Variants in LNX1 observed in about 807,000 individuals in gnomAD.
LNX1 encodes the protein E3 ubiquitin-protein ligase LNX.
A neutral mutation model predicts 68.4 loss-of-function variants in LNX1; 54 were observed. The observed-to-expected ratio is 0.79, with a 90% CI of 0.63 to 0.99. The LOEUF is 0.99. Among genes scored for constraint, LNX1 ranks in the 50% least tolerant of loss-of-function variants. LNX1 has a pLI of 0.00. For synonymous variants in LNX1, 336 were observed against 350.0 expected (o/e 0.96, Z 0.45); for missense variants, 906 against 926.4 (o/e 0.98, Z 0.29).
chr4:53,467,599 A>T (rs1722783809), intron 9 of LNX1, among the ~76,000 whole-genome samples: 1 of 152,170 alleles, frequency 6.6e-6, no homozygotes, highest in Admixed American at 6.5e-5. Flanking sequence ...TTGAAAAAAA[A>T]TTAGACAAAT....
intron 2 of LNX1, among the ~76,000 whole-genome samples, chr4:53,548,242 A>G (rs1206711510): frequency 1.3e-5 from 2 of 152,186 alleles, no homozygotes; most frequent in Non-Finnish European, 2.9e-5. Context: ...TTCCAAGACC[A>G]ACTCCACAGA....
In LNX1 at chr4:53,460,357, CAAAT is replaced by C. The variant is rs141678192; in HGVS notation, c.*546_*549del. 7,320 of 189,916 alleles carry C rather than the reference CAAAT, an allele frequency of 0.039. 358 individuals carry two copies. Among genetic ancestry groups the C allele is most frequent in the African/African-American group, 0.13 (5,485 of 42,928 alleles). The allele number at this position is 189,916 out of a possible 1,614,324, so 11.8% of individuals were successfully genotyped here. A position where few individuals can be genotyped will look rare whatever the true frequency, so the allele number is the denominator to read the frequency against. On this transcript the variant is annotated 3_prime_UTR_variant, in exon 11 of 11. Transcript: ENST00000263925. ...AGGAGGTATTCATCGGTGATGGTAA[CAAAT>C]AACATGGTATTTGAAAGAATAAATT...
At chr4:53,569,355 G>T (rs1167956596) in intron 2 of LNX1, among the ~76,000 whole-genome samples, 1 of 134,184 alleles carries the variant, frequency 7.5e-6, no homozygotes, top group Admixed American at 7.6e-5. Flanking sequence ...CAGAAATAAC[G>T]CCGCATATCT....
chr4:53,629,028 A>G (rs1305668063), intron 1 of LNX1, among the ~76,000 whole-genome samples: 1 of 152,188 alleles, frequency 6.6e-6, no homozygotes, highest in South Asian at 2.1e-4. Flanking sequence ...TAGGTACAAT[A>G]TACACTACCT....
intron 1 of LNX1, among the ~76,000 whole-genome samples, chr4:53,626,351 A>G (rs1734075065): frequency 6.6e-6 from 1 of 152,234 alleles, no homozygotes; most frequent in Non-Finnish European, 1.5e-5. Flanking sequence ...TAATAAATAT[A>G]CTACAAAACA....
intron 7 of LNX1, 147 bp from the exon 8 acceptor site, chr4:53,478,889 G>A (rs762860950): frequency 1.3e-6 from 1 of 750,476 alleles, no homozygotes; most frequent in Non-Finnish European, 2.1e-6. Flanking sequence ...ATACAATGGT[G>A]GTTCTTGAAA....
intron 1 of LNX1, among the ~76,000 whole-genome samples, chr4:53,576,686 T>C (rs1352914240): frequency 6.6e-6 from 1 of 151,908 alleles, no homozygotes; most frequent in Non-Finnish European, 1.5e-5. Context: ...CCAACTCAAC[T>C]TTCCTCTTTT....
intron 2 of LNX1, among the ~76,000 whole-genome samples, chr4:53,564,292 C>T (rs1730490963): frequency 6.6e-6 from 1 of 152,202 alleles, no homozygotes; most frequent in East Asian, 1.9e-4. Flanking sequence ...TCATCTTTCT[C>T]CTGAAGACCT....
chr4:53,463,701 A>T (rs1320935852), intron 9 of LNX1, among the ~76,000 whole-genome samples: 1 of 152,160 alleles, frequency 6.6e-6, no homozygotes, highest in Non-Finnish European at 1.5e-5. Context: ...TGAGAAAATT[A>T]TGGTTACCTC....
At chr4:53,593,270 A>G (rs1343721817), upstream of LNX1, among the ~76,000 whole-genome samples, 1 of 152,230 alleles carries the variant, frequency 6.6e-6, no homozygotes, top group African/African-American at 2.4e-5. Context: ...CGCCAACCTG[A>G]TGAATCATCT....
intron 2 of LNX1, among the ~76,000 whole-genome samples, chr4:53,600,315 A>AT (rs1732944164): frequency 6.6e-6 from 1 of 152,202 alleles, no homozygotes; most frequent in Non-Finnish European, 1.5e-5. Context: ...CACAAAAAAA[A>AT]GTCCTAGTAG....
intron 1 of LNX1, among the ~76,000 whole-genome samples, chr4:53,648,496 T>C (rs934032080): frequency 2.6e-5 from 4 of 152,238 alleles, no homozygotes; most frequent in Admixed American, 6.5e-5. Flanking sequence ...TTACATATTC[T>C]GGATATTAAC....
At chr4:53,495,653 C>A (rs1724999816) in intron 6 of LNX1, among the ~76,000 whole-genome samples, 1 of 151,598 alleles carries the variant, frequency 6.6e-6, no homozygotes, top group Non-Finnish European at 1.5e-5. Context: ...AGTGATTCTC[C>A]TGCCTCAGCC....
At chr4:53,629,854 T>G (rs1007190124) in intron 1 of LNX1, among the ~76,000 whole-genome samples, 8 of 152,170 alleles carry the variant, frequency 5.3e-5, no homozygotes, top group African/African-American at 1.9e-4. Context: ...CGCCTTGGTT[T>G]GATTTTTAAA....
At chr4:53,506,048 T>C (rs1725847768) in intron 4 of LNX1, among the ~76,000 whole-genome samples, 1 of 152,166 alleles carries the variant, frequency 6.6e-6, no homozygotes, top group Non-Finnish European at 1.5e-5. Flanking sequence ...TGCTCATGAA[T>C]TTTGAGGGCA....
intron 1 of LNX1, among the ~76,000 whole-genome samples, chr4:53,580,403 A>T (rs1480731456): frequency 6.6e-6 from 1 of 152,206 alleles, no homozygotes; most frequent in Admixed American, 6.5e-5. Context: ...CCTATAATGT[A>T]TGGGTAGAAT....
chr4:53,488,630 C>G (rs11728872), intron 6 of LNX1, among the ~76,000 whole-genome samples: 34,688 of 151,998 alleles, frequency 0.23, 4,587 homozygotes, highest in Non-Finnish European at 0.3. Flanking sequence ...GGGATTGTCT[C>G]TATGCTCTAT....
Position 53,573,630 on chromosome 4 carries a change from G to A in LNX1, c.373C>T (p.Gln125Ter). The A allele has an allele frequency of 6.2e-7, 1 of 1,600,792 alleles. No individual in the cohort carries two copies. The highest frequency in any genetic ancestry group is 8.5e-7 in the Non-Finnish European group (1 of 1,174,072). Residue 125 changes from glutamine to a stop codon, truncating the protein, a stop_gained, in exon 2 of 11, where the codon CAA (glutamine) becomes TAA (stop). Transcript: ENST00000263925. LOFTEE classifies it high-confidence loss of function. ...LQRCDLEHHF[Q>*]TSCKGASHYG... ...CGCTGATGGGGGACCTACCTGGTTT[G>A]AAAGTGATGCTCGAGGTCACAGCGC...
intron 5 of LNX1, 186 bp from the exon 6 acceptor site, chr4:53,496,580 C>A: frequency 4.7e-6 from 3 of 640,612 alleles, no homozygotes; most frequent in Non-Finnish European, 5.3e-6. Flanking sequence ...GCGTGGCCTG[C>A]AGCACCTCTC....
Sources: gnomAD v4.1 joint callset for allele counts (sites outside exome capture counted in the v4.1 genomes callset) on GRCh38, gnomAD v4.1.1 for gene constraint, MANE v1.5 for transcripts, NCBI Gene and HGNC (gene_info 2026-07-23, HGNC 2026-07-21) for gene names.